Variants in CWF19L2 observed in about 807,000 individuals in gnomAD.
CWF19L2 encodes CWF19-like protein 2.
In CWF19L2, 98 loss-of-function variants were observed where a neutral mutation model predicts 111.7. The observed-to-expected ratio is 0.88, with a 90% CI of 0.75 to 1.04. The LOEUF (loss-of-function observed/expected upper bound fraction) is 1.04, where lower values mean the gene tolerates loss of function less well. CWF19L2 is among the 50% of genes least tolerant of loss of function. CWF19L2 has a pLI of 0.00. For synonymous variants in CWF19L2, 351 were observed against 342.9 expected, an observed-to-expected ratio of 1.02 and a Z score of -0.26; for missense variants, 1,101 against 1,051.4, an observed-to-expected ratio of 1.05 and a Z score of -0.65.
In CWF19L2 at chr11:107,326,673, G is replaced by A. The variant is rs1859764922; in HGVS notation, c.*237C>T. Reference sequence around the variant, plus strand: ...CAAGAAGTAGGTAGAGAGCAGGAATGTGAGCAGATCATCGAATATATGTTT... The same window carrying A: ...CAAGAAGTAGGTAGAGAGCAGGAATATGAGCAGATCATCGAATATATGTTT... On this transcript the variant is annotated 3_prime_UTR_variant, in exon 18 of 18. Coordinates refer to ENST00000282251, the MANE Select transcript of CWF19L2 (RefSeq NM_152434.3). The A allele has an allele frequency of 8.1e-6, 3 of 368,688 alleles. No individual in the cohort carries two copies. The highest frequency in any genetic ancestry group is 2.1e-5 in the African/African-American group (1 of 47,792). The allele number at this position is 368,688 out of a possible 1,614,324, so 22.8% of individuals were successfully genotyped here.
At chr11:107,447,999 T>C (rs1431432693) in intron 3 of CWF19L2, among the ~76,000 whole-genome samples, 2 of 151,684 alleles carry the variant, frequency 1.3e-5, no homozygotes, top group East Asian at 1.9e-4. Flanking sequence ...ATACAGTACC[T>C]GAAATGAAAA....
At chr11:107,402,869 G>GTATATATATATATATATATATATA (rs1491324734) in intron 10 of CWF19L2, among the ~76,000 whole-genome samples, 2 of 22,018 alleles carry the variant, frequency 9.1e-5, no homozygotes, top group Middle Eastern at 0.029. Flanking sequence ...ACAAACTGTG[G>GTATATATATATATATATATATATA]TGTGTATATA....
intron 10 of CWF19L2, among the ~76,000 whole-genome samples, chr11:107,407,726 A>G (rs1246093421): frequency 6.6e-6 from 1 of 152,056 alleles, no homozygotes; most frequent in African/African-American, 2.4e-5. Context: ...AGTCTATGAC[A>G]TAATTCTTCA....
chr11:107,326,857 G>A lies in CWF19L2; in HGVS notation c.*53C>T, dbSNP rs2134513652. ...GGTCAGTTGCTTCATTAGATGCAATGGAAATAAAACTGAACGGGATCTGAA... is the reference window on the plus strand; with the variant it reads ...GGTCAGTTGCTTCATTAGATGCAATAGAAATAAAACTGAACGGGATCTGAA... On this transcript the variant is annotated 3_prime_UTR_variant, in exon 18 of 18. Transcript: ENST00000282251. The A allele has an allele frequency of 6.8e-7, 1 of 1,472,790 alleles. No individual in the cohort carries two copies. Among genetic ancestry groups the A allele is most frequent in the East Asian group, 2.4e-5 (1 of 41,452 alleles). The allele number at this position is 1,472,790 out of a possible 1,614,324, so 91.2% of individuals were successfully genotyped here. A position where few individuals can be genotyped will look rare whatever the true frequency, so the allele number is the denominator to read the frequency against.
chr11:107,452,694 G>A (rs925501653), intron 3 of CWF19L2, among the ~76,000 whole-genome samples: 2 of 152,018 alleles, frequency 1.3e-5, no homozygotes, highest in African/African-American at 4.8e-5. Flanking sequence ...AAAACTTCTA[G>A]GGAAAAAAAA....
intron 1 of CWF19L2, 41 bp downstream of exon 1, chr11:107,457,671 C>G: frequency 6.9e-7 from 1 of 1,458,092 alleles, no homozygotes; most frequent in Non-Finnish European, 9.4e-7. Flanking sequence ...CCTCAACTCC[C>G]ACAACAATAA....
intron 17 of CWF19L2, among the ~76,000 whole-genome samples, chr11:107,327,851 G>A (rs1394400023): frequency 6.6e-6 from 1 of 152,084 alleles, no homozygotes; most frequent in African/African-American, 2.4e-5. Context: ...ACAGACTAAG[G>A]ATCAAATTCT....
intron 12 of CWF19L2, among the ~76,000 whole-genome samples, chr11:107,362,451 T>A (rs1399586184): frequency 6.6e-6 from 1 of 152,014 alleles, no homozygotes; most frequent in Non-Finnish European, 1.5e-5. Context: ...ACAGCAGTGG[T>A]TCTCCCAGCA....
chr11:107,328,944 A>G (rs1859803258), intron 17 of CWF19L2, among the ~76,000 whole-genome samples: 1 of 152,332 alleles, frequency 6.6e-6, no homozygotes, highest in African/African-American at 2.4e-5. Flanking sequence ...ACTAAGGACA[A>G]GAGCATTAAA....
At chr11:107,416,033 GT>G (rs1420344689) in intron 10 of CWF19L2, among the ~76,000 whole-genome samples, 175 bp downstream of exon 10, 2 of 151,980 alleles carry the variant, frequency 1.3e-5, no homozygotes, top group Non-Finnish European at 2.9e-5. Context: ...GGAGGCAGAG[GT>G]TGCAGTGAGC....
chr11:107,379,008 A>G (rs1312680475), intron 12 of CWF19L2, among the ~76,000 whole-genome samples: 2 of 152,264 alleles, frequency 1.3e-5, no homozygotes, highest in Non-Finnish European at 2.9e-5. Flanking sequence ...TAGGTTAGAT[A>G]GTAGTACTAC....
chr11:107,395,166 C>T (rs2134599776), intron 10 of CWF19L2, among the ~76,000 whole-genome samples: 2 of 152,232 alleles, frequency 1.3e-5, no homozygotes, highest in East Asian at 3.9e-4. Context: ...CTTTCCTGTG[C>T]TGTTCTCGTG....
intron 4 of CWF19L2, 128 bp from the exon 5 acceptor site, chr11:107,441,750 C>G (rs911023624): frequency 8.5e-5 from 72 of 843,044 alleles, no homozygotes; most frequent in Non-Finnish European, 1.2e-4. Context: ...GAAACAAGTC[C>G]TACATGGCTA....
At chr11:107,332,922 C>T (rs1332551779) in intron 16 of CWF19L2, among the ~76,000 whole-genome samples, 1 of 152,006 alleles carries the variant, frequency 6.6e-6, no homozygotes, top group Non-Finnish European at 1.5e-5. Context: ...GAGTTCGAGA[C>T]CAGCCTGACC....
In CWF19L2 at chr11:107,336,627, C is replaced by G. The variant is rs1395707594; in HGVS notation, c.2289G>C (p.Gln763His). Residue 763 changes from glutamine to histidine, a missense_variant, in exon 15 of 18, where the codon CAG becomes CAC. Gln to His is a conservative substitution (Grantham distance 24, BLOSUM62 0). Transcript: ENST00000282251. ...GAATACATTCATAAACCATGTGATA[C>G]TGTTTCTTCATGCTCATATTAGTTT... The part of the protein sequence containing the change: ...FLETNMSMKK[Q>H]YHMVYECIPL... The G allele has an allele frequency of 1.1e-5, 18 of 1,605,176 alleles. No individual in the cohort carries two copies. Among genetic ancestry groups the G allele is most frequent in the Non-Finnish European group, 1.4e-5 (17 of 1,175,124 alleles).
intron 17 of CWF19L2, among the ~76,000 whole-genome samples, chr11:107,328,250 T>G (rs1457438485): frequency 6.6e-6 from 1 of 151,916 alleles, no homozygotes; most frequent in Non-Finnish European, 1.5e-5. Context: ...ACAGAGATAG[T>G]AGAAAAGAGA....
chr11:107,392,872 G>A lies in CWF19L2; in HGVS notation c.1641C>T (p.Ile547=), dbSNP rs746581809. The A allele has an allele frequency of 1.1e-5, 18 of 1,568,768 alleles. No homozygotes were observed. Among genetic ancestry groups the A allele is most frequent in the Non-Finnish European group, 1.5e-5 (18 of 1,164,578 alleles). ...TTCCAGACTGATCTGTTCTGACAAG[G>A]ATTACTTCTTGCTGGTCTTCATTCT... is the stretch of plus-strand genomic sequence containing the variant. ...GVENEDQQEV[I]LVRTDQSGRV... is the part of the protein sequence containing the mutation. The change falls in exon 11 of 18, where the codon ATC becomes ATT. Residue 547 remains isoleucine, a synonymous_variant. Coordinates refer to ENST00000282251, the MANE Select transcript of CWF19L2 (RefSeq NM_152434.3).
In CWF19L2 at chr11:107,326,965, A is replaced by T; in HGVS notation, c.2630T>A (p.Leu877Gln). The change falls in exon 18 of 18, where the codon CTG becomes CAG. Residue 877 changes from leucine to glutamine, a missense_variant. Coordinates refer to ENST00000282251, the MANE Select transcript of CWF19L2 (RefSeq NM_152434.3). ...ESFEDQRKKA[L>Q]QFAQWWKPYD... ...TGGTTTCCACCACTGAGCAAACTGC[A>T]GTGCTTTTTTCCTCTGATCCTCAAA... 6.2e-7 allele frequency: 1 copy of T among 1,612,292 alleles called. No individual in the cohort carries two copies. The highest frequency in any genetic ancestry group is 8.5e-7 in the Non-Finnish European group (1 of 1,179,096).
Position 107,430,877 on chromosome 11 carries a change from CA to C in CWF19L2, c.781-1427del, listed in dbSNP as rs368167042. On this transcript the variant is annotated intron_variant, in intron 7 of 17. Transcript: ENST00000282251. ...GAGTAGATTTTAGGTATTTTTACCA[CA>C]AAAAAAAAAGGAGAATAACTACGTA... Among the ~76,000 whole-genome samples the C allele has an allele frequency of 1.0e-3, 143 of 139,628 alleles. 2 individuals carry two copies. The highest frequency in any genetic ancestry group is 2.4e-3 in the East Asian group (12 of 4,932). The allele number at this position is 139,628 out of a possible 152,430, so 91.6% of individuals were successfully genotyped here.
Sources: allele counts gnomAD v4.1 joint callset (sites outside exome capture counted in the v4.1 genomes callset), GRCh38; gene constraint gnomAD v4.1.1; transcripts MANE v1.5; gene names NCBI Gene and HGNC (gene_info 2026-07-23, HGNC 2026-07-21).